Variants in PDZD8 observed in about 807,000 individuals in gnomAD.
PDZD8 encodes the protein PDZ domain-containing protein 8.
In PDZD8, 14 loss-of-function variants were observed where a neutral mutation model predicts 85.8. The observed-to-expected ratio is 0.16, with a 90% confidence interval of 0.11 to 0.26. The LOEUF is 0.26. Ranked by LOEUF, PDZD8 falls within the 10% of genes least tolerant of loss-of-function variation. The pLI is 1.00. For missense variants in PDZD8, 1,197 were observed against 1,424.3 expected (o/e 0.84, Z 2.57); for synonymous variants, 592 against 568.6 (o/e 1.04, Z -0.59).
intron 1 of PDZD8, among the ~76,000 whole-genome samples, chr10:117,358,268 T>TTATAATTTATTCATTTATAAGTGAA (rs1226439104): frequency 6.6e-6 from 1 of 152,162 alleles, no homozygotes; most frequent in Non-Finnish European, 1.5e-5. Flanking sequence ...GAAATATCAC[T>TTATAATTTATTCATTTATAAGTGAA]ATTATGGTTT....
chr10:117,288,466 A>G (rs1350997384), intron 4 of PDZD8, among the ~76,000 whole-genome samples: 1 of 152,070 alleles, frequency 6.6e-6, no homozygotes, highest in Non-Finnish European at 1.5e-5. Flanking sequence ...TCTTTTTTTT[A>G]AAACAATGAA....
rs752462550 is a variant in PDZD8 at position 117,375,146 on chromosome 10, G to A, written c.82C>T (p.Arg28Cys). Reference sequence around the variant, plus strand: ...TCCGCCGGCGGCTCGGGCTGTCTGCGGTACAGCAGGAAGAACTGGGCGAGG... The same window carrying A: ...TCCGCCGGCGGCTCGGGCTGTCTGCAGTACAGCAGGAAGAACTGGGCGAGG... ...TLLAQFFLLY[R>C]RQPEPPADEA... The change falls in exon 1 of 5, where the codon CGC becomes TGC. Residue 28 changes from arginine (R) to cysteine (C), a missense_variant. This residue lies in a region of PDZD8 where 172 missense variants were observed against 137.8 expected (regional missense o/e 1.25). Transcript: ENST00000334464. 6.9e-6 allele frequency: 11 copies of A among 1,588,614 alleles called. No homozygotes were observed. The highest frequency in any genetic ancestry group is 9.4e-6 in the Non-Finnish European group (11 of 1,173,932).
At chr10:117,285,918 C>A (rs1844654854) in intron 4 of PDZD8, 1 of 171,262 alleles carries the variant, frequency 5.8e-6, no homozygotes, top group South Asian at 1.9e-4. Flanking sequence ...CCAGGGATTA[C>A]AAGACATATG....
chr10:117,314,905 C>A (rs1817316215), intron 3 of PDZD8, among the ~76,000 whole-genome samples: 1 of 152,170 alleles, frequency 6.6e-6, no homozygotes, highest in Non-Finnish European at 1.5e-5. Flanking sequence ...TGTCAAGTAC[C>A]TGAATGCAGA....
At position 117,285,261 on chromosome 10, in the gene PDZD8, C is replaced by G. The variant is rs375481318; in HGVS notation, c.1472G>C (p.Ser491Thr). ...EAAGLTVDTESRELDSEFEDL... is the reference protein window; with the variant it reads ...EAAGLTVDTETRELDSEFEDL... ...TTCAAATTCAGAATCCAGCTCTCTA[C>G]TTTCAGTATCTACTGTCAACCCGGC... The change falls in exon 5 of 5, where the codon AGT becomes ACT. Residue 491 changes from serine (S) to threonine (T), a missense_variant. Around this residue, in one of 4 missense-constraint regions of PDZD8, gnomAD observed 263 missense variants for 261.9 expected, o/e 1.00. Transcript: ENST00000334464. 9 of 1,614,188 alleles carry G rather than the reference C, an allele frequency of 5.6e-6. No homozygotes were observed. Among genetic ancestry groups the G allele is most frequent in the Non-Finnish European group, 7.6e-6 (9 of 1,180,026 alleles).
intron 1 of PDZD8, among the ~76,000 whole-genome samples, chr10:117,356,256 A>G (rs886462338): frequency 2.0e-4 from 30 of 152,098 alleles, no homozygotes; most frequent in Admixed American, 6.6e-5. Context: ...TTTTCTTAAC[A>G]TCATTTAATA....
rs936873109 is a variant in PDZD8 at position 117,374,154 on chromosome 10, A to G, written c.872+202T>C. Among the ~76,000 whole-genome samples, 2 of 152,206 alleles carry G rather than the reference A, an allele frequency of 1.3e-5. No homozygotes were observed. The highest frequency in any genetic ancestry group is 2.9e-5 in the Non-Finnish European group (2 of 68,046). ...CCTGAGTCCCCATGAACACGCGAAAAGGTTTCTAGCTCCTATCAATGCCGT... is the reference window on the plus strand; with the variant it reads ...CCTGAGTCCCCATGAACACGCGAAAGGGTTTCTAGCTCCTATCAATGCCGT... On this transcript the variant is annotated intron_variant, in intron 1 of 4. Coordinates refer to ENST00000334464, the MANE Select transcript of PDZD8 (RefSeq NM_173791.5). The surrounding 1 kb of genome is among the most constrained non-coding windows in gnomAD (Gnocchi z 7.8).
intron 3 of PDZD8, among the ~76,000 whole-genome samples, chr10:117,292,499 T>C (rs981752207): frequency 1.3e-5 from 2 of 152,104 alleles, no homozygotes; most frequent in South Asian, 4.1e-4. Flanking sequence ...AAGCTAATGA[T>C]AGCAAATGGG....
intron 4 of PDZD8, 83 bp downstream of exon 4, chr10:117,290,103 G>T: frequency 1.6e-6 from 2 of 1,233,370 alleles, no homozygotes; most frequent in South Asian, 2.0e-5. Flanking sequence ...TAGAAATAAG[G>T]AAAAAGGAAG....
chr10:117,363,840 A>T (rs1845038795), intron 1 of PDZD8, among the ~76,000 whole-genome samples: 1 of 152,182 alleles, frequency 6.6e-6, no homozygotes, highest in African/African-American at 2.4e-5. Flanking sequence ...CACAGGCGTA[A>T]ATACTCAATG....
intron 4 of PDZD8, among the ~76,000 whole-genome samples, chr10:117,287,937 T>A (rs1214939444): frequency 6.6e-6 from 1 of 152,190 alleles, no homozygotes; most frequent in African/African-American, 2.4e-5. Context: ...AAATGAAAAA[T>A]TAGTCCATCT....
chr10:117,302,277 TA>T (rs1843859955), intron 3 of PDZD8, among the ~76,000 whole-genome samples: 1 of 152,192 alleles, frequency 6.6e-6, no homozygotes, highest in Non-Finnish European at 1.5e-5. Context: ...ATCACTTTAA[TA>T]GAAAAACAAA....
rs1313241237 is a variant in PDZD8 at position 117,285,136 on chromosome 10, G to A, written c.1597C>T (p.Pro533Ser). ...KRVPTTLSIK[P>S]LGAISPVLNR... ...AAAACTGGTGATATAGCTCCAAGGGGTTTAATAGAAAGTGTTGTTGGAACA... is the reference window on the plus strand; with the variant it reads ...AAAACTGGTGATATAGCTCCAAGGGATTTAATAGAAAGTGTTGTTGGAACA... Residue 533 changes from proline to serine, a missense_variant, in exon 5 of 5, where the codon CCC becomes TCC. Pro to Ser is a moderately conservative substitution (Grantham distance 74). Transcript: ENST00000334464. The A allele has an allele frequency of 6.2e-7, 1 of 1,613,938 alleles. No individual in the cohort carries two copies. Among genetic ancestry groups the A allele is most frequent in the Non-Finnish European group, 8.5e-7 (1 of 1,179,950 alleles).
In PDZD8 at chr10:117,374,729, C is replaced by T. The variant is rs1214285757; in HGVS notation, c.499G>A (p.Val167Met). The change falls in exon 1 of 5, where the codon GTG becomes ATG. Residue 167 changes from valine (V) to methionine (M), a missense_variant. Val to Met is a conservative substitution (Grantham distance 21, BLOSUM62 1). Around this residue, in one of 4 missense-constraint regions of PDZD8, gnomAD observed 344 missense variants for 453.6 expected, o/e 0.76. Coordinates refer to ENST00000334464, the MANE Select transcript of PDZD8 (RefSeq NM_173791.5). The surrounding 1 kb of genome is among the most constrained non-coding windows in gnomAD (Gnocchi z 7.8). ...TCGGGCTCCCCGGTGGCCGAGGGCA[C>T]GACTGGCCGCACGAGCCGGATGGTC... ...IKTIRLVRPVVPSATGEPDGP... is the reference protein window; with the variant it reads ...IKTIRLVRPVMPSATGEPDGP... 1.2e-6 allele frequency: 2 copies of T among 1,610,590 alleles called. No individual in the cohort carries two copies. Among genetic ancestry groups the T allele is most frequent in the South Asian group, 1.1e-5 (1 of 90,840 alleles).
chr10:117,346,815 A>T (rs1228350737), intron 1 of PDZD8, among the ~76,000 whole-genome samples: 1 of 151,852 alleles, frequency 6.6e-6, no homozygotes, highest in Non-Finnish European at 1.5e-5. Flanking sequence ...CGCCAGGTGG[A>T]GGCCTCATTT....
At position 117,283,716 on chromosome 10, in the gene PDZD8, C is replaced by T. The variant is rs1844606822; in HGVS notation, c.3017G>A (p.Gly1006Asp). Residue 1006 changes from glycine (G) to aspartate (D), a missense_variant, in exon 5 of 5, where the codon GGT (glycine) becomes GAT (aspartate). By Grantham distance (94) the Gly-to-Asp change is moderately conservative. Coordinates refer to ENST00000334464, the MANE Select transcript of PDZD8 (RefSeq NM_173791.5). ...AATGAAAACACTGTCATCCAGACCA[C>T]CCTCTTTTCTCACTAACTTTATTCC... ...STGIKLVRKE[G>D]GLDDSVFIAV... 1 of 1,614,076 alleles carries T rather than the reference C, an allele frequency of 6.2e-7. No individual in the cohort carries two copies. Among genetic ancestry groups the T allele is most frequent in the African/African-American group, 1.3e-5 (1 of 74,922 alleles).
In PDZD8 at chr10:117,278,414, T is replaced by G. The variant is rs1258832193; in HGVS notation, c.*4854A>C. 1 of 152,242 alleles carries G rather than the reference T, an allele frequency of 6.6e-6. No individual in the cohort carries two copies. The highest frequency in any genetic ancestry group is 2.4e-5 in the African/African-American group (1 of 41,462). The allele number at this position is 152,242 out of a possible 1,614,324, so 9.4% of individuals were successfully genotyped here. On this transcript the variant is annotated 3_prime_UTR_variant, in exon 5 of 5. Coordinates refer to ENST00000334464, the MANE Select transcript of PDZD8 (RefSeq NM_173791.5). ...AAAATGGAACATCTAAAAATGTATG[T>G]GCTAACTATATCATCCAGTGTGCAG...
At chr10:117,348,432 G>C (rs1844745516) in intron 1 of PDZD8, among the ~76,000 whole-genome samples, 1 of 152,176 alleles carries the variant, frequency 6.6e-6, no homozygotes, top group Non-Finnish European at 1.5e-5. Context: ...AAGAGATCTA[G>C]TAAATGCTAG....
At chr10:117,301,964 G>C (rs1482513188) in intron 3 of PDZD8, among the ~76,000 whole-genome samples, 1 of 151,998 alleles carries the variant, frequency 6.6e-6, no homozygotes, top group Non-Finnish European at 1.5e-5. Context: ...GACTAAGTTA[G>C]AACTAGACTA....
Sources: gnomAD v4.1 joint callset for allele counts (sites outside exome capture counted in the v4.1 genomes callset) on GRCh38, gnomAD v4.1.1 for gene constraint, gnomAD v4.1.1 regional missense constraint, Gnocchi (gnomAD v3.1) non-coding constraint, MANE v1.5 for transcripts, NCBI Gene and HGNC (gene_info 2026-07-23, HGNC 2026-07-21) for gene names.